GRM7: variants seen among roughly 807,000 people sequenced by gnomAD.
GRM7 encodes metabotropic glutamate receptor 7.
In GRM7, 35 loss-of-function variants were observed where a neutral mutation model predicts 84.5. The observed-to-expected ratio is 0.41, with a 90% CI of 0.32 to 0.55. The LOEUF (loss-of-function observed/expected upper bound fraction) is 0.55. Among genes scored for constraint, GRM7 ranks in the 20% least tolerant of loss-of-function variants. GRM7 has a pLI of 0.19. For missense variants in GRM7, 1,003 were observed against 1,194.6 expected, an observed-to-expected ratio of 0.84 and a Z score of 2.36; for synonymous variants, 487 against 455.1, an observed-to-expected ratio of 1.07 and a Z score of -0.89.
intron 8 of GRM7, among the ~76,000 whole-genome samples, chr3:7,582,943 T>C (rs1695334262): frequency 6.6e-6 from 1 of 152,198 alleles, no homozygotes; most frequent in Non-Finnish European, 1.5e-5. Context: ...ATGCCAACCA[T>C]ACTTTTTAAA....
intron 2 of GRM7, among the ~76,000 whole-genome samples, chr3:7,276,389 T>C (rs1699058143): frequency 6.6e-6 from 1 of 151,946 alleles, no homozygotes; most frequent in Admixed American, 6.6e-5. Context: ...TCTTTATCCC[T>C]TGATACCCTG....
intron 2 of GRM7, among the ~76,000 whole-genome samples, chr3:7,275,282 G>T (rs752918626): frequency 1.3e-5 from 2 of 152,066 alleles, no homozygotes; most frequent in African/African-American, 2.4e-5. Flanking sequence ...ACCTGAGTCT[G>T]GTTCTGATAG....
intron 1 of GRM7, among the ~76,000 whole-genome samples, chr3:7,143,114 G>T (rs1027440132): frequency 6.6e-6 from 1 of 152,130 alleles, no homozygotes; most frequent in African/African-American, 2.4e-5. Context: ...TCCAATAGCA[G>T]CAAGAGAAAG....
At chr3:7,565,243 T>C (rs1243103137) in intron 7 of GRM7, among the ~76,000 whole-genome samples, 1 of 152,320 alleles carries the variant, frequency 6.6e-6, no homozygotes, top group East Asian at 1.9e-4. Flanking sequence ...TGTTCTTTCC[T>C]TGACACCATC....
intron 1 of GRM7, among the ~76,000 whole-genome samples, chr3:6,972,072 C>A (rs756087732): frequency 6.6e-6 from 1 of 151,946 alleles, no homozygotes; most frequent in Non-Finnish European, 1.5e-5. Context: ...CTCTGTTTTG[C>A]AGTTGAGATA....
At chr3:7,134,539 C>A (rs1203619605) in intron 1 of GRM7, among the ~76,000 whole-genome samples, 3 of 152,076 alleles carry the variant, frequency 2.0e-5, no homozygotes, top group Non-Finnish European at 4.4e-5. Context: ...TCTGACCACA[C>A]CTTGATATTG....
At chr3:6,999,334 A>C (rs1191912211) in intron 1 of GRM7, among the ~76,000 whole-genome samples, 1 of 152,192 alleles carries the variant, frequency 6.6e-6, no homozygotes, top group East Asian at 1.9e-4. Flanking sequence ...AAAGTCATTC[A>C]ACAGGTCTCC....
chr3:7,265,140 G>A (rs964027391), intron 2 of GRM7, among the ~76,000 whole-genome samples: 1 of 152,172 alleles, frequency 6.6e-6, no homozygotes, highest in African/African-American at 2.4e-5. Flanking sequence ...CACATGCTAT[G>A]TTAGCAGGGT....
At chr3:7,112,271 C>G (rs947210616) in intron 1 of GRM7, among the ~76,000 whole-genome samples, 9 of 151,204 alleles carry the variant, frequency 6.0e-5, no homozygotes, top group African/African-American at 2.2e-4. Context: ...GTCACCCAGG[C>G]TGGAGTGCAG....
At chr3:7,639,986 A>G (rs1467057204) in intron 8 of GRM7, among the ~76,000 whole-genome samples, 3 of 152,076 alleles carry the variant, frequency 2.0e-5, no homozygotes, top group Non-Finnish European at 2.9e-5. Flanking sequence ...ATTATACTCA[A>G]TTTATTTTTT....
intron 4 of GRM7, among the ~76,000 whole-genome samples, chr3:7,313,936 G>C (rs1321070359): frequency 1.4e-5 from 2 of 143,812 alleles, no homozygotes; most frequent in Admixed American, 6.9e-5. Flanking sequence ...GAGAGAGAGA[G>C]ATTTAATATT....
chr3:7,732,965 C>T (rs112702340), intron 9 of GRM7, among the ~76,000 whole-genome samples: 3,100 of 152,300 alleles, frequency 0.02, 98 homozygotes, highest in African/African-American at 0.069. Flanking sequence ...ATTCATTCCT[C>T]CCCTTTTTAG....
intron 9 of GRM7, among the ~76,000 whole-genome samples, chr3:7,729,775 G>A (rs575665757): frequency 5.5e-4 from 84 of 151,820 alleles, no homozygotes; most frequent in African/African-American, 1.9e-3. Flanking sequence ...GCGCAATCTC[G>A]GCTCACTGCA....
At chr3:7,698,547 T>C (rs1701109284) in intron 9 of GRM7, among the ~76,000 whole-genome samples, 1 of 152,212 alleles carries the variant, frequency 6.6e-6, no homozygotes, top group African/African-American at 2.4e-5. Flanking sequence ...ACCAATGGAC[T>C]ACCTCCCAGT....
At chr3:7,455,351 A>G (rs974867756) in intron 6 of GRM7, among the ~76,000 whole-genome samples, 2 of 152,176 alleles carry the variant, frequency 1.3e-5, no homozygotes, top group African/African-American at 4.8e-5. Context: ...AGATATTTGC[A>G]TAGCCCTCAA....
intron 3 of GRM7, among the ~76,000 whole-genome samples, chr3:7,300,298 C>T (rs1699953798): frequency 6.6e-6 from 1 of 152,160 alleles, no homozygotes; most frequent in South Asian, 2.1e-4. Context: ...TGTCTCTTTC[C>T]CTGCTTTGTG....
At chr3:7,483,180 G>A (rs1699198694) in intron 7 of GRM7, among the ~76,000 whole-genome samples, 1 of 152,170 alleles carries the variant, frequency 6.6e-6, no homozygotes, top group African/African-American at 2.4e-5. Flanking sequence ...CCTTGGACAT[G>A]AGGTTTCTGA....
chr3:7,724,942 TA>T (rs1006536730), intron 9 of GRM7, among the ~76,000 whole-genome samples: 46 of 87,490 alleles, frequency 5.3e-4, no homozygotes, highest in South Asian at 2.4e-3. Context: ...GTTTTATTAT[TA>T]TTTTTTTTTT....
At chr3:6,971,173 C>CAAA (rs3063446) in intron 1 of GRM7, among the ~76,000 whole-genome samples, 91 of 134,446 alleles carry the variant, frequency 6.8e-4, no homozygotes, top group African/African-American at 2.3e-3. Context: ...GATGATTCCA[C>CAAA]AAAAAAAAAA....
Sources: allele counts gnomAD v4.1 joint callset (sites outside exome capture counted in the v4.1 genomes callset), GRCh38; gene constraint gnomAD v4.1.1; transcripts MANE v1.5; gene names NCBI Gene and HGNC (gene_info 2026-07-23, HGNC 2026-07-21).